Variants in ATXN8OS observed in about 807,000 individuals in gnomAD.
ATXN8OS encodes ATXN8 opposite strand (non-protein coding).
chr13:70,115,052 G>A (rs1477856053), intron 1 of ATXN8OS: 2 of 394,498 alleles, frequency 5.1e-6, no homozygotes, highest in African/African-American at 4.1e-5. Context: ...GTGTGTGCAT[G>A]TGTGGGTGTG....
intron 4 of ATXN8OS, among the ~76,000 whole-genome samples, chr13:70,148,722 G>T (rs1037165130): frequency 1.3e-5 from 2 of 152,114 alleles, no homozygotes; most frequent in East Asian, 1.9e-4. Context: ...CATTTTAGAA[G>T]AATTTTCTAG....
chr13:70,139,193 T>G (rs1165718696), intron 3 of ATXN8OS: 1 of 427,148 alleles, frequency 2.3e-6, no homozygotes, highest in African/African-American at 2.0e-5. Flanking sequence ...CATTCTATAG[T>G]CTGTGTCTGA....
rs563706017 is a variant in ATXN8OS at position 70,154,834 on chromosome 13, C to G, written n.573+7406C>G. Among the ~76,000 whole-genome samples the G allele has an allele frequency of 3.2e-4, 49 of 152,316 alleles. 1 individual carries two copies. The South Asian group carries it at 9.3e-3, about 29-fold the overall frequency. On this transcript the variant is annotated intron_variant and non_coding_transcript_variant, in intron 4 of 4. Transcript: ENST00000678624. ...AAAGGTCATGAGACACCTGAGTAGG[C>G]CTGAACTACAGCTGCCTGGGCACCA...
At chr13:70,120,356 TTAAG>T (rs1888340988) in intron 2 of ATXN8OS, among the ~76,000 whole-genome samples, 1 of 152,174 alleles carries the variant, frequency 6.6e-6, no homozygotes, top group African/African-American at 2.4e-5. Flanking sequence ...TGGCCTTTAA[TTAAG>T]TTAGTGATTT....
At chr13:70,144,422 T>C (rs1888755710) in intron 3 of ATXN8OS, among the ~76,000 whole-genome samples, 1 of 152,134 alleles carries the variant, frequency 6.6e-6, no homozygotes, top group Non-Finnish European at 1.5e-5. Flanking sequence ...ATTTTTCTTA[T>C]TTTTATTTTC....
chr13:70,119,077 A>G (rs1260367455), intron 2 of ATXN8OS, among the ~76,000 whole-genome samples: 1 of 152,110 alleles, frequency 6.6e-6, no homozygotes. Context: ...GTGGACAGGG[A>G]CATATCTTGG....
chr13:70,152,907 GA>G (rs1160249005), intron 4 of ATXN8OS, among the ~76,000 whole-genome samples: 1 of 151,448 alleles, frequency 6.6e-6, no homozygotes, highest in Non-Finnish European at 1.5e-5. Context: ...TGCAAACAAA[GA>G]AAAGGGAAAA....
intron 4 of ATXN8OS, among the ~76,000 whole-genome samples, chr13:70,169,162 T>C (rs917671268): frequency 1.3e-5 from 2 of 152,270 alleles, no homozygotes; most frequent in Non-Finnish European, 2.9e-5. Context: ...ACATAATTAA[T>C]AGACAAAATC....
intron 4 of ATXN8OS, among the ~76,000 whole-genome samples, chr13:70,158,154 T>C (rs1026661600): frequency 4.6e-5 from 7 of 152,114 alleles, no homozygotes; most frequent in African/African-American, 1.7e-4. Context: ...GCGTGGTGGC[T>C]CACACCTGTA....
At chr13:70,151,188 G>A (rs922070644) in intron 4 of ATXN8OS, among the ~76,000 whole-genome samples, 5 of 151,996 alleles carry the variant, frequency 3.3e-5, no homozygotes, top group African/African-American at 1.2e-4. Context: ...AAATTTTTCA[G>A]TGCACAATAC....
Position 70,140,517 on chromosome 13 carries a change from A to G in ATXN8OS, n.500-6838A>G, listed in dbSNP as rs187808655. On this transcript the variant is annotated intron_variant and non_coding_transcript_variant, in intron 3 of 4. Transcript: ENST00000678624. The stretch of plus-strand genomic sequence containing the variant: ...TCACTTCCCCTAGAATTTGCTTACC[A>G]TAACACACACACACACAAAAAAAAA... Among the ~76,000 whole-genome samples the G allele has an allele frequency of 1.8e-3, 166 of 89,754 alleles. No individual in the cohort carries two copies. In the East Asian group the frequency reaches 0.051, roughly 28 times the overall value. The allele number at this position is 89,754 out of a possible 152,430, so 58.9% of individuals were successfully genotyped here. A position where few individuals can be genotyped will look rare whatever the true frequency, so the allele number is the denominator to read the frequency against.
chr13:70,133,395 C>G (rs1478374866), intron 3 of ATXN8OS, among the ~76,000 whole-genome samples: 7 of 151,872 alleles, frequency 4.6e-5, no homozygotes, highest in Non-Finnish European at 5.9e-5. Context: ...AACAGTGAAA[C>G]AGTGAAAAAA....
At chr13:70,126,628 C>G (rs1888441165) in intron 2 of ATXN8OS, among the ~76,000 whole-genome samples, 1 of 150,096 alleles carries the variant, frequency 6.7e-6, no homozygotes, top group African/African-American at 2.5e-5. Flanking sequence ...TATATGAAAT[C>G]TTACATGGGC....
chr13:70,166,397 A>G (rs11148837), intron 4 of ATXN8OS, among the ~76,000 whole-genome samples: 18,859 of 152,016 alleles, frequency 0.12, 1,716 homozygotes, highest in East Asian at 0.41. Context: ...CAAACCTGAC[A>G]AAAACAAGAA....
At chr13:70,109,203 T>C (rs1888156951) in intron 1 of ATXN8OS, among the ~76,000 whole-genome samples, 1 of 152,234 alleles carries the variant, frequency 6.6e-6, no homozygotes, top group Non-Finnish European at 1.5e-5. Flanking sequence ...AGAAGATGTG[T>C]TTTCCCCTTA....
At chr13:70,168,550 A>C (rs1889106119) in intron 4 of ATXN8OS, among the ~76,000 whole-genome samples, 1 of 147,426 alleles carries the variant, frequency 6.8e-6, no homozygotes, top group East Asian at 2.0e-4. Context: ...CACCCTTCCC[A>C]TCCTCTAGTG....
intron 4 of ATXN8OS, among the ~76,000 whole-genome samples, chr13:70,147,681 T>C (rs1458633778): frequency 3.3e-5 from 5 of 152,176 alleles, no homozygotes; most frequent in African/African-American, 1.2e-4. Flanking sequence ...AACATTTCAG[T>C]AGTAAACCAA....
exon 5 of ATXN8OS, among the ~76,000 whole-genome samples, chr13:70,170,633 AGGTTTTTATG>A (rs2137510397): frequency 6.6e-6 from 1 of 152,298 alleles, no homozygotes; most frequent in Admixed American, 6.5e-5. Flanking sequence ...AGAAAGCTGC[AGGTTTTTATG>A]ATATGCGAAT....
At chr13:70,128,826 G>T (rs113199524) in intron 2 of ATXN8OS, among the ~76,000 whole-genome samples, 5,551 of 150,514 alleles carry the variant, frequency 0.037, 365 homozygotes, top group African/African-American at 0.13. Flanking sequence ...TGCTAGATTT[G>T]GCCAACAACA....
Sources: allele counts gnomAD v4.1 joint callset (sites outside exome capture counted in the v4.1 genomes callset), GRCh38; gene constraint gnomAD v4.1.1; transcripts MANE v1.5; gene names NCBI Gene and HGNC (gene_info 2026-07-23, HGNC 2026-07-21).